Variants in PPFIBP1 observed in about 807,000 individuals in gnomAD.
PPFIBP1 encodes the protein PPFIB scaffold protein 1.
In PPFIBP1, 112 loss-of-function variants were observed where a neutral mutation model predicts 137.8. That is an observed-to-expected ratio of 0.81 (90% CI 0.70 to 0.95). PPFIBP1 has a LOEUF of 0.95. Among genes scored for constraint, PPFIBP1 ranks in the 40% least tolerant of loss-of-function variants. PPFIBP1 has a pLI of 0.00. For missense variants in PPFIBP1, 1,083 were observed against 1,196.6 expected, an observed-to-expected ratio of 0.91 and a Z score of 1.40; for synonymous variants, 378 against 417.3, an observed-to-expected ratio of 0.91 and a Z score of 1.15.
In PPFIBP1 at chr12:27,647,791, T is replaced by C; in HGVS notation, c.420T>C (p.Cys140=). ...QGEKIRDLEF[C]LEEHREKVNA... Reference sequence around the variant, plus strand: ...AGAAGATTCGAGATTTGGAGTTTTGTCTTGAAGAGCACAGAGAGAAGGTGA... The same window carrying C: ...AGAAGATTCGAGATTTGGAGTTTTGCCTTGAAGAGCACAGAGAGAAGGTGA... The change falls in exon 6 of 30, where the codon TGT becomes TGC. Residue 140 remains cysteine, a synonymous_variant. Coordinates refer to ENST00000228425, the MANE Select transcript of PPFIBP1 (RefSeq NM_003622.4). 3.7e-6 allele frequency: 6 copies of C among 1,612,042 alleles called. No individual in the cohort carries two copies. The highest frequency in any genetic ancestry group is 4.2e-6 in the Non-Finnish European group (5 of 1,179,204).
intron 1 of PPFIBP1, among the ~76,000 whole-genome samples, chr12:27,576,551 G>A (rs1455006586): frequency 1.3e-5 from 2 of 152,152 alleles, no homozygotes; most frequent in Admixed American, 6.5e-5. Flanking sequence ...GGGCTAAGTA[G>A]GGAAGAAGAG....
intron 1 of PPFIBP1, among the ~76,000 whole-genome samples, chr12:27,540,785 T>C (rs2135997286): frequency 6.6e-6 from 1 of 152,370 alleles, no homozygotes; most frequent in South Asian, 2.1e-4. Flanking sequence ...ATGTATTTGA[T>C]ATTATTGAGC....
At chr12:27,690,646 T>C (rs2061478373) in intron 27 of PPFIBP1, among the ~76,000 whole-genome samples, 1 of 152,250 alleles carries the variant, frequency 6.6e-6, no homozygotes, top group Non-Finnish European at 1.5e-5. Flanking sequence ...TAATATTGGC[T>C]TCCATAATCC....
At chr12:27,566,282 T>C (rs1283173986) in intron 1 of PPFIBP1, among the ~76,000 whole-genome samples, 1 of 152,150 alleles carries the variant, frequency 6.6e-6, no homozygotes, top group Admixed American at 6.5e-5. Context: ...GTTTGGCCCA[T>C]GATAGTCAAA....
chr12:27,574,393 CCTTTCTGAAGGGCCTGAA>C lies in PPFIBP1; in HGVS notation c.-123-3755_-123-3738del, dbSNP rs796653698. ...TCTCTGCTAAGTCTTCCTCCTGAAG[CCTTTCTGAAGGGCCTGAA>C]CTTCCTGGAGAGGCCTTACTTACCA... is the stretch of plus-strand genomic sequence containing the variant. On this transcript the variant is annotated intron_variant, in intron 1 of 29. Coordinates refer to ENST00000228425, the MANE Select transcript of PPFIBP1 (RefSeq NM_003622.4). Among the ~76,000 whole-genome samples, 7 of 152,252 alleles carry C rather than the reference CCTTTCTGAAGGGCCTGAA, an allele frequency of 4.6e-5. No homozygotes were observed. The South Asian group carries it at 1.5e-3, about 32-fold the overall frequency.
At chr12:27,545,500 G>C (rs949766757) in intron 1 of PPFIBP1, among the ~76,000 whole-genome samples, 5 of 152,190 alleles carry the variant, frequency 3.3e-5, no homozygotes. Flanking sequence ...TAGTACATAT[G>C]AGAACCCAGC....
chr12:27,671,359 GTTTAT>G, intron 13 of PPFIBP1, 67 bp from the exon 14 acceptor site: 2 of 834,042 alleles, frequency 2.4e-6, no homozygotes, highest in Non-Finnish European at 3.7e-6. Flanking sequence ...ATTTTCTTAT[GTTTAT>G]TTAAATTACT....
At chr12:27,633,740 C>T (rs1470011497) in intron 3 of PPFIBP1, among the ~76,000 whole-genome samples, 1 of 151,794 alleles carries the variant, frequency 6.6e-6, no homozygotes, top group African/African-American at 2.4e-5. Flanking sequence ...GTCTGTGGAC[C>T]ATACTTTGAG....
chr12:27,616,175 A>T (rs1031823745), intron 2 of PPFIBP1, among the ~76,000 whole-genome samples: 1 of 151,780 alleles, frequency 6.6e-6, no homozygotes, highest in Non-Finnish European at 1.5e-5. Context: ...GTTTTCAAGC[A>T]TAATACATAG....
Position 27,691,743 on chromosome 12 carries a change from T to C in PPFIBP1, c.2686-6T>C. 2 of 1,602,870 alleles carry C rather than the reference T, an allele frequency of 1.2e-6. No homozygotes were observed. The highest frequency in any genetic ancestry group is 1.7e-6 in the Non-Finnish European group (2 of 1,174,302). ...TTGGATGTTTTTGTTTGCTTTTCTT[T>C]TAAAGCCAAAGAAACTTGCCTTTAG... On this transcript the variant is annotated splice_region_variant and splice_polypyrimidine_tract_variant and intron_variant, in intron 27 of 29. Coordinates refer to ENST00000228425, the MANE Select transcript of PPFIBP1 (RefSeq NM_003622.4).
At chr12:27,688,100 A>G in intron 25 of PPFIBP1, 198 bp from the exon 26 acceptor site, 1 of 587,686 alleles carries the variant, frequency 1.7e-6, no homozygotes, top group Non-Finnish European at 2.9e-6. Flanking sequence ...AAAAAAAAAG[A>G]CTTCCTTTCC....
At chr12:27,608,547 C>T (rs1253386109) in intron 2 of PPFIBP1, among the ~76,000 whole-genome samples, 10 of 152,086 alleles carry the variant, frequency 6.6e-5, no homozygotes, top group South Asian at 6.2e-4. Flanking sequence ...AAACAACCAG[C>T]GAATGATTTC....
chr12:27,529,266 T>C (rs554397264), intron 1 of PPFIBP1, among the ~76,000 whole-genome samples: 1 of 152,370 alleles, frequency 6.6e-6, no homozygotes, highest in East Asian at 1.9e-4. Context: ...AGGGAAATTA[T>C]TCATTTGACA....
intron 24 of PPFIBP1, among the ~76,000 whole-genome samples, 178 bp from the exon 25 acceptor site, chr12:27,687,207 T>A (rs1034671447): frequency 6.6e-6 from 1 of 152,208 alleles, no homozygotes; most frequent in African/African-American, 2.4e-5. Flanking sequence ...CAAAAAATAC[T>A]AATCTGGGGT....
At chr12:27,639,718 C>T (rs2057968254) in intron 4 of PPFIBP1, among the ~76,000 whole-genome samples, 1 of 152,230 alleles carries the variant, frequency 6.6e-6, no homozygotes, top group Non-Finnish European at 1.5e-5. Flanking sequence ...GTTAAATCAT[C>T]ATAATACCCT....
intron 19 of PPFIBP1, 92 bp from the exon 20 acceptor site, chr12:27,679,397 A>G (rs1354933463): frequency 1.6e-6 from 2 of 1,266,564 alleles, no homozygotes; most frequent in Non-Finnish European, 2.2e-6. Flanking sequence ...AGACCAACAG[A>G]AGAATTCTTA....
intron 2 of PPFIBP1, among the ~76,000 whole-genome samples, chr12:27,608,501 C>G (rs1347742789): frequency 1.3e-5 from 2 of 152,124 alleles, no homozygotes; most frequent in Admixed American, 6.5e-5. Flanking sequence ...AATTCAATAT[C>G]CCACACTATT....
chr12:27,673,924 T>C lies in PPFIBP1; in HGVS notation c.1380+97T>C, dbSNP rs557677047. The C allele has an allele frequency of 5.5e-6, 6 of 1,086,042 alleles. No homozygotes were observed. The East Asian group carries it at 9.7e-5, about 17-fold the overall frequency. The allele number at this position is 1,086,042 out of a possible 1,614,324, so 67.3% of individuals were successfully genotyped here. On this transcript the variant is annotated intron_variant, in intron 16 of 29. Transcript: ENST00000228425. ...TCCCTTTTTGCAAATAAAACTCTTA[T>C]GAAGAGCTTGTGGTTTTTAGTGGAA... is the stretch of plus-strand genomic sequence containing the variant.
chr12:27,668,434 AT>A (rs2140115122), intron 13 of PPFIBP1, among the ~76,000 whole-genome samples: 1 of 152,290 alleles, frequency 6.6e-6, no homozygotes, highest in African/African-American at 2.4e-5. Context: ...GTCCATAGCA[AT>A]TCCAAAATCC....
Sources: gnomAD v4.1 joint callset for allele counts (sites outside exome capture counted in the v4.1 genomes callset) on GRCh38, gnomAD v4.1.1 for gene constraint, MANE v1.5 for transcripts, NCBI Gene and HGNC (gene_info 2026-07-23, HGNC 2026-07-21) for gene names.